The following SLK variants were observed in gnomAD, a reference collection of about 807,000 sequenced individuals.
SLK encodes STE20-like serine/threonine-protein kinase.
Under a neutral mutation model 147.7 loss-of-function variants are expected in SLK, and 67 were observed. That is an observed-to-expected ratio of 0.45 (90% CI 0.37 to 0.56). SLK has a LOEUF of 0.56. Among genes scored for constraint, SLK ranks in the 20% least tolerant of loss-of-function variants. The pLI is 0.00. For missense variants in SLK, 1,136 were observed against 1,438.8 expected (o/e 0.79, Z 3.41); for synonymous variants, 441 against 475.0 (o/e 0.93, Z 0.93).
At chr10:103,992,907 T>C in intron 3 of SLK, 77 bp from the exon 4 acceptor site, 1 of 1,039,156 alleles carries the variant, frequency 9.6e-7, no homozygotes, top group Non-Finnish European at 1.4e-6. Context: ...TGATGATATA[T>C]ACAGAAAGGT....
intron 11 of SLK, 37 bp downstream of exon 11, chr10:104,006,072 G>T (rs779085024): frequency 6.3e-6 from 10 of 1,585,334 alleles, no homozygotes; most frequent in East Asian, 2.3e-5. Flanking sequence ...ATATCATTTT[G>T]TGTTAATAAT....
At chr10:104,003,819 A>G (rs2134500927) in intron 9 of SLK, among the ~76,000 whole-genome samples, 1 of 152,330 alleles carries the variant, frequency 6.6e-6, no homozygotes, top group South Asian at 2.1e-4. Flanking sequence ...ATGCAACATT[A>G]GCAAGAATCA....
At chr10:103,982,479 G>T (rs964543714) in intron 1 of SLK, among the ~76,000 whole-genome samples, 2 of 152,260 alleles carry the variant, frequency 1.3e-5, no homozygotes, top group African/African-American at 4.8e-5. Context: ...ATAAAATAGA[G>T]TTTGGGAATG....
At chr10:104,011,764 G>A (rs1487711670) in intron 13 of SLK, among the ~76,000 whole-genome samples, 1 of 152,162 alleles carries the variant, frequency 6.6e-6, no homozygotes. Flanking sequence ...GTTTCACCAT[G>A]TTGGTCAGGA....
In SLK at chr10:104,005,843, TA is replaced by T. The variant is rs561742673; in HGVS notation, c.2481-60del. On this transcript the variant is annotated intron_variant, in intron 10 of 18. Coordinates refer to ENST00000369755, the MANE Select transcript of SLK (RefSeq NM_014720.4). ...ACTCGAAAGAAAATTTTTAAAGCTTTAAAAAAAAACGTATTTCAGAAGTGTA... is the reference window on the plus strand; with the variant it reads ...ACTCGAAAGAAAATTTTTAAAGCTTTAAAAAAAACGTATTTCAGAAGTGTA... 3.1e-4 allele frequency: 455 copies of T among 1,476,486 alleles called. 1 individual carries two copies. In the African/African-American group the frequency reaches 5.3e-3, roughly 17 times the overall value. The allele number at this position is 1,476,486 out of a possible 1,614,324, so 91.5% of individuals were successfully genotyped here.
At chr10:103,981,189 T>TTTG (rs139103127) in intron 1 of SLK, among the ~76,000 whole-genome samples, 1,714 of 126,598 alleles carry the variant, frequency 0.014, 21 homozygotes, top group African/African-American at 0.048. Context: ...GTGGGTTTTT[T>TTTG]TTGTTGTTGT....
chr10:104,002,424 A>G lies in SLK; in HGVS notation c.1246A>G (p.Thr416Ala). 1 of 1,614,064 alleles carries G rather than the reference A, an allele frequency of 6.2e-7. No homozygotes were observed. Among genetic ancestry groups the G allele is most frequent in the Non-Finnish European group, 8.5e-7 (1 of 1,180,008 alleles). Reference sequence around the variant, plus strand: ...AGCAATGACTGAACTCCATGACAGAACAGCAGTAATCAAGGAGAATGAAAG... The same window carrying G: ...AGCAATGACTGAACTCCATGACAGAGCAGCAGTAATCAAGGAGAATGAAAG... ...LEAMTELHDR[T>A]AVIKENEREK... Residue 416 changes from threonine to alanine, a missense_variant, in exon 9 of 19, where the codon ACA becomes GCA. Transcript: ENST00000369755.
Position 103,999,826 on chromosome 10 carries a change from C to G in SLK, c.783-41C>G, listed in dbSNP as rs752750398. 7 of 847,918 alleles carry G rather than the reference C, an allele frequency of 8.3e-6. No individual in the cohort carries two copies. The African/African-American group carries it at 8.6e-5, about 10-fold the overall frequency. The allele number at this position is 847,918 out of a possible 1,614,324, so 52.5% of individuals were successfully genotyped here. ...AAAGAGTTTTGTTTAATTTGATTAA[C>G]AAGAAAGTAAAATAGAATGTTGTTA... On this transcript the variant is annotated intron_variant, in intron 6 of 18. Transcript: ENST00000369755.
chr10:103,992,623 G>A lies in SLK; in HGVS notation c.341G>A (p.Gly114Glu). 8.6e-7 allele frequency: 1 copy of A among 1,167,112 alleles called. No individual in the cohort carries two copies. Among genetic ancestry groups the A allele is most frequent in the Non-Finnish European group, 1.1e-6 (1 of 905,472 alleles). 72.3% of individuals were successfully genotyped at this position (1,167,112 alleles called of 1,614,324 possible). A position where few individuals can be genotyped will look rare whatever the true frequency, so the allele number is the denominator to read the frequency against. Residue 114 changes from glycine to glutamate, a missense_variant, in exon 3 of 19, where the codon GGA becomes GAA. By Grantham distance (98) the Gly-to-Glu change is moderately conservative (BLOSUM62 -2). This residue lies in a region of SLK where 126 missense variants were observed against 141.3 expected (regional missense o/e 0.89). Transcript: ENST00000369755. The stretch of plus-strand genomic sequence containing the variant: ...ATCCTCATTGAATTTTGTGCAGGTG[G>A]AGCAGTAGATGCTGTGATGCTTGGT... Reference protein sequence around the residue: ...LWILIEFCAGGAVDAVMLELE... With the variant: ...LWILIEFCAGEAVDAVMLELE...
intron 1 of SLK, among the ~76,000 whole-genome samples, chr10:103,972,879 T>A (rs1355755547): frequency 6.6e-6 from 1 of 152,228 alleles, no homozygotes; most frequent in African/African-American, 2.4e-5. Flanking sequence ...CATTTTTCTC[T>A]TGAAGTCTTT....
At position 104,020,574 on chromosome 10, in the gene SLK, G is replaced by T; in HGVS notation, c.3408G>T (p.Leu1136Phe). ...KHENQMRDLQ[L>F]QCEANVRELH... Reference sequence around the variant, plus strand: ...AGAATCAAATGCGAGATCTTCAGTTGCAGTGTGAAGCCAATGTCCGCGAAC... The same window carrying T: ...AGAATCAAATGCGAGATCTTCAGTTTCAGTGTGAAGCCAATGTCCGCGAAC... The change falls in exon 17 of 19, where the codon TTG becomes TTT. Residue 1136 changes from leucine to phenylalanine, a missense_variant. Leu to Phe is a conservative substitution (Grantham distance 22, BLOSUM62 0). This residue lies in a region of SLK where 327 missense variants were observed against 457.5 expected (regional missense o/e 0.71). Coordinates refer to ENST00000369755, the MANE Select transcript of SLK (RefSeq NM_014720.4). The T allele has an allele frequency of 6.2e-7, 1 of 1,613,950 alleles. No individual in the cohort carries two copies. Among genetic ancestry groups the T allele is most frequent in the Non-Finnish European group, 8.5e-7 (1 of 1,179,940 alleles).
intron 9 of SLK, among the ~76,000 whole-genome samples, chr10:104,004,443 TTAG>T (rs1388166972): frequency 6.6e-6 from 1 of 152,198 alleles, no homozygotes. Context: ...TATTGAACTT[TTAG>T]TAGGAGCTGA....
chr10:103,988,979 G>C (rs908055198), intron 1 of SLK, among the ~76,000 whole-genome samples: 1 of 152,136 alleles, frequency 6.6e-6, no homozygotes, highest in Admixed American at 6.5e-5. Flanking sequence ...GATTTGAAAT[G>C]CTGTCCCCTA....
intron 4 of SLK, among the ~76,000 whole-genome samples, chr10:103,996,804 A>C (rs1189813865): frequency 6.6e-6 from 1 of 151,894 alleles, no homozygotes; most frequent in East Asian, 1.9e-4. Flanking sequence ...CCTTGCATTG[A>C]CTTGCTTCTT....
At chr10:103,999,732 C>CATT (rs1844220580) in intron 6 of SLK, 135 bp from the exon 7 acceptor site, 5 of 505,860 alleles carry the variant, frequency 9.9e-6, no homozygotes, top group Non-Finnish European at 1.8e-5. Context: ...TTAATAGTCT[C>CATT]ATTAACTAGT....
At chr10:104,014,089 T>G (rs919020989) in intron 13 of SLK, among the ~76,000 whole-genome samples, 3 of 152,218 alleles carry the variant, frequency 2.0e-5, no homozygotes, top group African/African-American at 7.2e-5. Context: ...CTCAAGAAAA[T>G]AAAATACCCT....
intron 9 of SLK, among the ~76,000 whole-genome samples, chr10:104,004,147 A>T (rs1463974171): frequency 6.6e-6 from 1 of 152,168 alleles, no homozygotes; most frequent in Non-Finnish European, 1.5e-5. Flanking sequence ...CCCCTTGGAA[A>T]ATACTTCCTA....
intron 1 of SLK, among the ~76,000 whole-genome samples, chr10:103,975,566 A>G (rs1843859680): frequency 6.6e-6 from 1 of 152,304 alleles, no homozygotes; most frequent in Middle Eastern, 3.4e-3. Flanking sequence ...TTTGGGCTTC[A>G]TATAATCATT....
intron 1 of SLK, among the ~76,000 whole-genome samples, chr10:103,984,444 C>T (rs1434174863): frequency 6.6e-6 from 1 of 152,140 alleles, no homozygotes; most frequent in Non-Finnish European, 1.5e-5. Flanking sequence ...GACAGAGTCT[C>T]AGTCTGTCAA....
Sources: allele counts gnomAD v4.1 joint callset (sites outside exome capture counted in the v4.1 genomes callset), GRCh38; gene constraint gnomAD v4.1.1; regional missense constraint gnomAD v4.1.1; transcripts MANE v1.5; gene names NCBI Gene and HGNC (gene_info 2026-07-23, HGNC 2026-07-21).